HMGXB3: variants seen among roughly 807,000 people sequenced by gnomAD.
HMGXB3 encodes HMG domain-containing protein 3.
In HMGXB3, 45 loss-of-function variants were observed where a neutral mutation model predicts 121.5. The observed-to-expected ratio is 0.37, with a 90% confidence interval of 0.29 to 0.47. HMGXB3 has a LOEUF of 0.47. Ranked by LOEUF, HMGXB3 falls within the 20% of genes least tolerant of loss-of-function variation. The pLI, the probability that HMGXB3 is intolerant of heterozygous loss-of-function variation, is 0.99. For synonymous variants in HMGXB3, 590 were observed against 624.1 expected, an observed-to-expected ratio of 0.95 and a Z score of 0.81; for missense variants, 1,376 against 1,602.2, an observed-to-expected ratio of 0.86 and a Z score of 2.41.
chr5:150,034,264 T>C (rs1756450387), intron 11 of HMGXB3, among the ~76,000 whole-genome samples: 1 of 152,204 alleles, frequency 6.6e-6, no homozygotes, highest in African/African-American at 2.4e-5. Context: ...CCATATTGAC[T>C]GCTTTTCTTA....
intron 3 of HMGXB3, among the ~76,000 whole-genome samples, chr5:150,006,996 C>A (rs892892527): frequency 6.6e-6 from 1 of 152,130 alleles, no homozygotes; most frequent in African/African-American, 2.4e-5. Context: ...TTCTCCTACG[C>A]CATGAGTTTT....
intron 16 of HMGXB3, among the ~76,000 whole-genome samples, chr5:150,047,297 T>G (rs1756779421): frequency 6.6e-6 from 1 of 152,184 alleles, no homozygotes; most frequent in Admixed American, 6.5e-5. Context: ...CTGCTGTTCT[T>G]TTCTTATTGA....
intron 16 of HMGXB3, 102 bp downstream of exon 16, chr5:150,045,787 C>T (rs994132875): frequency 1.2e-6 from 1 of 860,276 alleles, no homozygotes; most frequent in Admixed American, 2.3e-5. Context: ...GAGGGCCAGG[C>T]CCCGCTGCAG....
At position 150,012,293 on chromosome 5, in the gene HMGXB3, G is replaced by A. The variant is rs546347711; in HGVS notation, c.849G>A (p.Gln283=). ...GTAGCTCCTCTGCACCAGCCACACA[G>A]TTCATCATGTTGCCTCTGCCTGCCT... is the stretch of plus-strand genomic sequence containing the variant. The part of the protein sequence containing the change: ...SESSSSAPAT[Q]FIMLPLPAYS... The change falls in exon 5 of 20, where the codon CAG becomes CAA. Residue 283 remains glutamine (Q), a synonymous_variant. Coordinates refer to ENST00000502717, the MANE Select transcript of HMGXB3 (RefSeq NM_014983.3). 98 of 1,552,328 alleles carry A rather than the reference G, an allele frequency of 6.3e-5. No homozygotes were observed. The South Asian group carries it at 9.5e-4, about 15-fold the overall frequency.
At chr5:150,006,687 C>T (rs2113723442) in intron 3 of HMGXB3, 40 bp downstream of exon 3, 3 of 1,526,314 alleles carry the variant, frequency 2.0e-6, no homozygotes, top group Non-Finnish European at 2.7e-6. Flanking sequence ...TCCACTGGTT[C>T]AGTGATGAAG....
At chr5:150,007,899 A>G (rs1032333751) in intron 3 of HMGXB3, among the ~76,000 whole-genome samples, 1 of 152,150 alleles carries the variant, frequency 6.6e-6, no homozygotes, top group Non-Finnish European at 1.5e-5. Flanking sequence ...TACAAAAAAT[A>G]GGAAAAGATT....
intron 5 of HMGXB3, among the ~76,000 whole-genome samples, chr5:150,016,360 A>C (rs1755960306): frequency 7.8e-6 from 1 of 128,894 alleles, no homozygotes; most frequent in Non-Finnish European, 1.7e-5. Context: ...AAAAAAAAAA[A>C]AGGAGGTGAC....
intron 3 of HMGXB3, among the ~76,000 whole-genome samples, chr5:150,009,126 A>C (rs961806274): frequency 1.3e-5 from 2 of 152,148 alleles, no homozygotes; most frequent in African/African-American, 2.4e-5. Context: ...TTTAAGTTTA[A>C]ATTGAAAAAA....
In HMGXB3 at chr5:150,041,904, G is replaced by A; in HGVS notation, c.2665G>A (p.Val889Met). 3 of 1,551,754 alleles carry A rather than the reference G, an allele frequency of 1.9e-6. No individual in the cohort carries two copies. The highest frequency in any genetic ancestry group is 1.4e-5 in the African/African-American group (1 of 73,170). The change falls in exon 15 of 20, where the codon GTG (valine) becomes ATG (methionine). Residue 889 changes from valine (V) to methionine (M), a missense_variant. Val to Met is a conservative substitution (Grantham distance 21). Transcript: ENST00000502717. ...YNDMICGICG[V>M]APKVEMAQRS... ...TGACATGATCTGTGGCATCTGTGGTGTGGCCCCCAAAGTGGAAATGGCTCA... is the reference window on the plus strand; with the variant it reads ...TGACATGATCTGTGGCATCTGTGGTATGGCCCCCAAAGTGGAAATGGCTCA...
At chr5:150,012,695 A>G (rs1347248900) in intron 5 of HMGXB3, among the ~76,000 whole-genome samples, 1 of 152,230 alleles carries the variant, frequency 6.6e-6, no homozygotes, top group Non-Finnish European at 1.5e-5. Flanking sequence ...GATCTAATTC[A>G]ATACTGTGAT....
At chr5:150,023,028 C>A in intron 6 of HMGXB3, among the ~76,000 whole-genome samples, 1 of 138,352 alleles carries the variant, frequency 7.2e-6, no homozygotes. Flanking sequence ...GTGGTCTTGC[C>A]ATGTTTCCCA....
Position 150,051,821 on chromosome 5 carries a change from C to T in HMGXB3, c.3508C>T (p.Arg1170Trp), listed in dbSNP as rs755017176. ...GCACCCAGTCACCAAGACTGCCACG[C>T]GGCGCATCGTCCATGCAGGCCTACA... ...IQHPVTKTAT[R>W]RIVHAGLQPN... Residue 1170 changes from arginine (R) to tryptophan (W), a missense_variant, in exon 20 of 20, where the codon CGG (arginine) becomes TGG (tryptophan). By Grantham distance (101) the Arg-to-Trp change is moderately radical. Coordinates refer to ENST00000502717, the MANE Select transcript of HMGXB3 (RefSeq NM_014983.3). 32 of 1,549,204 alleles carry T rather than the reference C, an allele frequency of 2.1e-5. No homozygotes were observed. The highest frequency in any genetic ancestry group is 4.9e-5 in the East Asian group (2 of 40,940).
Position 150,024,606 on chromosome 5 carries a change from T to C in HMGXB3, c.1386T>C (p.Pro462=). ...TGGGGACAACTGACAATGACAGTCC[T>C]GGAGCAGACGTACCAACACCATCCG... is the stretch of plus-strand genomic sequence containing the variant. The part of the protein sequence containing the change: ...VTLGTTDNDS[P]GADVPTPSEG... The change falls in exon 7 of 20, where the codon CCT becomes CCC. Residue 462 remains proline, a synonymous_variant. Coordinates refer to ENST00000502717, the MANE Select transcript of HMGXB3 (RefSeq NM_014983.3). 6.4e-7 allele frequency: 1 copy of C among 1,551,786 alleles called. No individual in the cohort carries two copies. Among genetic ancestry groups the C allele is most frequent in the Admixed American group, 2.0e-5 (1 of 51,014 alleles).
At chr5:150,033,141 C>CTAT (rs1364902097) in intron 11 of HMGXB3, among the ~76,000 whole-genome samples, 1 of 152,050 alleles carries the variant, frequency 6.6e-6, no homozygotes, top group Admixed American at 6.6e-5. Context: ...CTTAGGGCTG[C>CTAT]TATTATTATT....
intron 6 of HMGXB3, among the ~76,000 whole-genome samples, chr5:150,019,400 C>G (rs755443715): frequency 7.9e-5 from 12 of 152,196 alleles, no homozygotes; most frequent in Non-Finnish European, 1.2e-4. Context: ...CTCCCACAGC[C>G]TTTGCCCATA....
intron 11 of HMGXB3, among the ~76,000 whole-genome samples, chr5:150,033,106 T>C (rs1756419790): frequency 2.6e-5 from 4 of 152,190 alleles, no homozygotes; most frequent in African/African-American, 7.2e-5. Flanking sequence ...ACTACTTGGG[T>C]AGTAAAATAC....
chr5:150,051,848 C>T lies in HMGXB3; in HGVS notation c.3535C>T (p.Pro1179Ser). 1 of 1,550,674 alleles carries T rather than the reference C, an allele frequency of 6.4e-7. No individual in the cohort carries two copies. The stretch of plus-strand genomic sequence containing the variant: ...GCGCATCGTCCATGCAGGCCTACAG[C>T]CCAATCCTGGTGACCCCAGTGCTGG... Reference protein sequence around the residue: ...TRRIVHAGLQPNPGDPSAGHH... With the variant: ...TRRIVHAGLQSNPGDPSAGHH... The change falls in exon 20 of 20, where the codon CCC becomes TCC. Residue 1179 changes from proline to serine, a missense_variant. Physicochemically the swap from Pro to Ser is moderately conservative, Grantham distance 74. Around this residue, in one of 2 missense-constraint regions of HMGXB3, gnomAD observed 260 missense variants for 233.2 expected, o/e 1.11. Coordinates refer to ENST00000502717, the MANE Select transcript of HMGXB3 (RefSeq NM_014983.3).
chr5:150,032,475 A>G lies in HMGXB3; in HGVS notation c.1855A>G (p.Arg619Gly), dbSNP rs1327262595. Residue 619 changes from arginine to glycine, a missense_variant, in exon 11 of 20, where the codon AGA (arginine) becomes GGA (glycine). This residue lies in a region of HMGXB3 where 1,116 missense variants were observed against 1,369.0 expected (regional missense o/e 0.82). Coordinates refer to ENST00000502717, the MANE Select transcript of HMGXB3 (RefSeq NM_014983.3). ...VTLDLGLATSRGRGKCKNPSC... is the reference protein window; with the variant it reads ...VTLDLGLATSGGRGKCKNPSC... ...TTAGGATTTGGGCCTGGCTACATCA[A>G]GAGGCCGGGGAAAGTGCAAGAATCC... is the stretch of plus-strand genomic sequence containing the variant. 4 of 1,551,592 alleles carry G rather than the reference A, an allele frequency of 2.6e-6. No homozygotes were observed. The highest frequency in any genetic ancestry group is 3.5e-6 in the Non-Finnish European group (4 of 1,146,980).
Position 150,010,271 on chromosome 5 carries a change from C to G in HMGXB3, c.473C>G (p.Pro158Arg), listed in dbSNP as rs61733398. The change falls in exon 4 of 20, where the codon CCG (proline) becomes CGG (arginine). Residue 158 changes from proline to arginine, a missense_variant. By Grantham distance (103) the Pro-to-Arg change is moderately radical (BLOSUM62 -2). This residue lies in a region of HMGXB3 where 1,116 missense variants were observed against 1,369.0 expected (regional missense o/e 0.82). Transcript: ENST00000502717. ...TGTGTGGCTCAGAACCAGATGTCCC[C>G]GAAAGGACCTCCTCTTGTGTCCAAC... is the stretch of plus-strand genomic sequence containing the variant. ...ELCVAQNQMSPKGPPLVSNTA... is the reference protein window; with the variant it reads ...ELCVAQNQMSRKGPPLVSNTA... 1 of 1,551,756 alleles carries G rather than the reference C, an allele frequency of 6.4e-7. No individual in the cohort carries two copies. The highest frequency in any genetic ancestry group is 1.2e-5 in the South Asian group (1 of 84,048).
Sources: allele counts gnomAD v4.1 joint callset (sites outside exome capture counted in the v4.1 genomes callset), GRCh38; gene constraint gnomAD v4.1.1; regional missense constraint gnomAD v4.1.1; transcripts MANE v1.5; gene names NCBI Gene and HGNC (gene_info 2026-07-23, HGNC 2026-07-21).